Variants in SPAG16 observed in about 807,000 individuals in gnomAD.
The protein encoded by SPAG16 is sperm-associated antigen 16 protein.
SPAG16 carries 86 observed loss-of-function variants against 80.4 expected under a neutral mutation model. The observed-to-expected ratio is 1.07, with a 90% CI of 0.90 to 1.28. SPAG16 has a LOEUF of 1.28. SPAG16 is among the 50% of genes most tolerant of loss of function. The pLI, the probability that SPAG16 is intolerant of heterozygous loss-of-function variation, is 0.00. For synonymous variants in SPAG16, 294 were observed against 265.9 expected (o/e 1.11, Z -1.03); for missense variants, 870 against 765.3 (o/e 1.14, Z -1.61).
At chr2:213,756,078 G>C (rs894291970) in intron 10 of SPAG16, among the ~76,000 whole-genome samples, 72 of 152,290 alleles carry the variant, frequency 4.7e-4, no homozygotes, top group African/African-American at 1.7e-3. Context: ...GCCAGCCTCA[G>C]ATATCAGTCA....
At chr2:214,347,868 A>G (rs1431532096) in intron 15 of SPAG16, among the ~76,000 whole-genome samples, 1 of 152,178 alleles carries the variant, frequency 6.6e-6, no homozygotes, top group African/African-American at 2.4e-5. Context: ...TCAGCTGTGA[A>G]CACAAGCTAC....
intron 9 of SPAG16, among the ~76,000 whole-genome samples, chr2:213,480,631 C>T (rs2073699527): frequency 6.6e-6 from 1 of 152,220 alleles, no homozygotes; most frequent in Non-Finnish European, 1.5e-5. Flanking sequence ...ACTATTTCAG[C>T]ACCCAGTATT....
chr2:213,614,362 C>T (rs979272426), intron 10 of SPAG16, among the ~76,000 whole-genome samples: 11 of 152,166 alleles, frequency 7.2e-5, no homozygotes, highest in Admixed American at 5.9e-4. Flanking sequence ...TACTTTGTAT[C>T]TCTCAGTGCT....
At chr2:214,117,400 T>C (rs1559813184) in intron 14 of SPAG16, among the ~76,000 whole-genome samples, 3 of 152,346 alleles carry the variant, frequency 2.0e-5, no homozygotes, top group Non-Finnish European at 4.4e-5. Flanking sequence ...TAGGCTTCAC[T>C]GCTGAATTCT....
intron 15 of SPAG16, among the ~76,000 whole-genome samples, chr2:214,353,055 A>G (rs1445806609): frequency 6.6e-6 from 1 of 152,034 alleles, no homozygotes; most frequent in Non-Finnish European, 1.5e-5. Context: ...TGCCCTTTCT[A>G]CTTGCATCTT....
intron 12 of SPAG16, among the ~76,000 whole-genome samples, chr2:213,987,799 TATAAA>T (rs1454983627): frequency 6.8e-6 from 1 of 147,600 alleles, no homozygotes; most frequent in Non-Finnish European, 1.5e-5. Flanking sequence ...ACTATATAAT[TATAAA>T]ATATAAAATA....
At chr2:213,286,851 G>A (rs916204474) in intron 1 of SPAG16, among the ~76,000 whole-genome samples, 8 of 152,128 alleles carry the variant, frequency 5.3e-5, no homozygotes, top group Non-Finnish European at 1.0e-4. Flanking sequence ...AGTATGAATA[G>A]ACTAATGTCC....
At chr2:213,899,945 T>C (rs1457555762) in intron 11 of SPAG16, among the ~76,000 whole-genome samples, 2 of 152,184 alleles carry the variant, frequency 1.3e-5, no homozygotes, top group South Asian at 2.1e-4. Context: ...ATCCTTGTCT[T>C]GATGCAGCTT....
chr2:214,251,802 A>G (rs774517477), intron 15 of SPAG16, among the ~76,000 whole-genome samples: 1 of 152,124 alleles, frequency 6.6e-6, no homozygotes, highest in Non-Finnish European at 1.5e-5. Context: ...TAAATTATTC[A>G]TACCTGAAAT....
At chr2:214,165,469 C>CTTTTTTTTTTTTTTTTTT (rs67726428) in intron 15 of SPAG16, among the ~76,000 whole-genome samples, 2 of 37,842 alleles carry the variant, frequency 5.3e-5, no homozygotes, top group African/African-American at 2.8e-4. Context: ...CATCACCATC[C>CTTTTTTTTTTTTTTTTTT]TTTTTTTTTT....
intron 10 of SPAG16, among the ~76,000 whole-genome samples, chr2:213,784,514 T>G (rs1219256535): frequency 6.6e-6 from 1 of 151,308 alleles, no homozygotes; most frequent in East Asian, 1.9e-4. Flanking sequence ...GTAAATGTAC[T>G]TTTTACTTAC....
intron 10 of SPAG16, among the ~76,000 whole-genome samples, chr2:213,537,526 T>C (rs2076293012): frequency 6.6e-6 from 1 of 152,156 alleles, no homozygotes; most frequent in Admixed American, 6.5e-5. Flanking sequence ...TTCTGCTCTA[T>C]ATAAGTTCAG....
intron 9 of SPAG16, among the ~76,000 whole-genome samples, chr2:213,418,099 C>T (rs1266232067): frequency 6.6e-6 from 1 of 152,190 alleles, no homozygotes; most frequent in Non-Finnish European, 1.5e-5. Context: ...TCTTGAACTC[C>T]TGACCTTAGG....
intron 13 of SPAG16, among the ~76,000 whole-genome samples, chr2:214,099,920 T>A (rs1197864197): frequency 6.6e-6 from 1 of 152,020 alleles, no homozygotes; most frequent in Non-Finnish European, 1.5e-5. Flanking sequence ...CCCCTAAGAT[T>A]TATGCATTTT....
chr2:213,638,716 T>C (rs73084673), intron 10 of SPAG16, among the ~76,000 whole-genome samples: 5 of 152,310 alleles, frequency 3.3e-5, no homozygotes, highest in African/African-American at 1.2e-4. Flanking sequence ...ATGTATATTC[T>C]ACAGTTGCTA....
chr2:214,117,923 T>C (rs539955235), intron 14 of SPAG16, among the ~76,000 whole-genome samples: 85 of 152,320 alleles, frequency 5.6e-4, no homozygotes, highest in African/African-American at 2.0e-3. Context: ...CTGAAAGTTT[T>C]TCCTCTAAAA....
intron 14 of SPAG16, among the ~76,000 whole-genome samples, chr2:214,130,933 T>C (rs942132708): frequency 5.3e-5 from 8 of 152,178 alleles, no homozygotes; most frequent in Admixed American, 6.6e-5. Flanking sequence ...AAAGACTCTC[T>C]GTGATTTATT....
intron 10 of SPAG16, among the ~76,000 whole-genome samples, chr2:213,571,990 A>C (rs1246540032): frequency 2.4e-5 from 3 of 125,642 alleles, no homozygotes; most frequent in Non-Finnish European, 4.8e-5. Context: ...CATTCATTTC[A>C]TCTTCCATTG....
intron 10 of SPAG16, among the ~76,000 whole-genome samples, chr2:213,731,714 C>A (rs1195157049): frequency 1.3e-5 from 2 of 152,044 alleles, no homozygotes; most frequent in African/African-American, 4.8e-5. Flanking sequence ...ATTTAGTTAC[C>A]ACTTTTCTGT....
Sources: allele counts gnomAD v4.1 joint callset (sites outside exome capture counted in the v4.1 genomes callset), GRCh38; gene constraint gnomAD v4.1.1; transcripts MANE v1.5; gene names NCBI Gene and HGNC (gene_info 2026-07-23, HGNC 2026-07-21).